Variants in DPH5 observed in about 807,000 individuals in gnomAD.
DPH5 encodes diphthamide biosynthesis 5.
A neutral mutation model predicts 31.6 loss-of-function variants in DPH5; 31 were observed. The ratio of observed to expected loss-of-function variants is 0.98; its 90% CI spans 0.74 to 1.32. The LOEUF (loss-of-function observed/expected upper bound fraction) is 1.32, where lower values mean the gene tolerates loss of function less well. DPH5 is among the 40% of genes most tolerant of loss of function. The pLI is 0.00. For synonymous variants in DPH5, 120 were observed against 115.0 expected, an observed-to-expected ratio of 1.04 and a Z score of -0.28; for missense variants, 309 against 335.7, an observed-to-expected ratio of 0.92 and a Z score of 0.62.
intron 4 of DPH5, among the ~76,000 whole-genome samples, chr1:101,005,767 G>A (rs971890744): frequency 2.6e-5 from 4 of 152,200 alleles, no homozygotes; most frequent in South Asian, 2.1e-4. Context: ...GAATGCAATG[G>A]CAGATAGGAA....
chr1:101,016,764 C>A (rs879321415), intron 3 of DPH5, among the ~76,000 whole-genome samples: 2 of 152,212 alleles, frequency 1.3e-5, no homozygotes, highest in Middle Eastern at 3.4e-3. Flanking sequence ...TTTCTATATG[C>A]CTTCCTCATT....
At chr1:101,019,336 AGAACTTCATATTGCTG>A (rs1287710021) in intron 3 of DPH5, among the ~76,000 whole-genome samples, 1 of 152,218 alleles carries the variant, frequency 6.6e-6, no homozygotes, top group Non-Finnish European at 1.5e-5. Context: ...ATTGTCTTCA[AGAACTTCATATTGCTG>A]GAGATGGACA....
intron 3 of DPH5, 93 bp downstream of exon 3, chr1:101,021,548 T>C (rs894733689): frequency 6.1e-5 from 79 of 1,297,812 alleles, no homozygotes; most frequent in Middle Eastern, 2.0e-4. Flanking sequence ...TATCAGGACC[T>C]GGCAGGTAAA....
At chr1:101,025,498 G>C (rs1660761144) in intron 1 of DPH5, 32 bp from the exon 2 acceptor site, 2 of 1,603,366 alleles carry the variant, frequency 1.2e-6, no homozygotes, top group African/African-American at 1.3e-5. Flanking sequence ...AAAACCGTCA[G>C]TAACACCGAG....
chr1:101,005,929 G>A (rs1659197152), intron 4 of DPH5, among the ~76,000 whole-genome samples: 1 of 152,050 alleles, frequency 6.6e-6, no homozygotes, highest in South Asian at 2.1e-4. Context: ...AGGTGAGGGG[G>A]GGAGCAGTTA....
At chr1:100,995,034 A>C in intron 6 of DPH5, 76 bp downstream of exon 6, 1 of 1,025,110 alleles carries the variant, frequency 9.8e-7, no homozygotes, top group Non-Finnish European at 1.5e-6. Context: ...TTTAGAACTC[A>C]GGTCATTTAA....
rs117062579 is a variant in DPH5 at position 101,014,309 on chromosome 1, G to C, written c.261-491C>G. ...TATACACGTATACCATGAAGATATT[G>C]CAAGTTTGGGTCAAGATAACCACAA... On this transcript the variant is annotated intron_variant, in intron 3 of 7. Transcript: ENST00000370109. 9.0e-4 allele frequency among the ~76,000 whole-genome samples: 137 copies of C among 152,260 alleles called. 3 individuals carry two copies. The East Asian group carries it at 0.02, about 22-fold the overall frequency.
intron 4 of DPH5, among the ~76,000 whole-genome samples, chr1:101,011,895 C>CTTTTTTTTT (rs11352737): frequency 9.2e-6 from 1 of 108,152 alleles, no homozygotes; most frequent in African/African-American, 3.6e-5. Context: ...ATTATCAATT[C>CTTTTTTTTT]TTTTTTTTTT....
Position 101,019,585 on chromosome 1 carries a change from A to G in DPH5, c.260+2056T>C, listed in dbSNP as rs928660128. Among the ~76,000 whole-genome samples, 7 of 152,254 alleles carry G rather than the reference A, an allele frequency of 4.6e-5. No individual in the cohort carries two copies. In the East Asian group the frequency reaches 1.2e-3, roughly 25 times the overall value. On this transcript the variant is annotated intron_variant, in intron 3 of 7. Coordinates refer to ENST00000370109, the MANE Select transcript of DPH5 (RefSeq NM_015958.3). ...TAAGGGATATTTTTTGCTCATATCT[A>G]AGAATTTCAGTGCCTTGCTGCATTC...
At position 101,001,579 on chromosome 1, in the gene DPH5, C is replaced by T. The variant is rs1658868519; in HGVS notation, c.378G>A (p.Lys126=). 1.9e-6 allele frequency: 3 copies of T among 1,573,342 alleles called. No individual in the cohort carries two copies. Among genetic ancestry groups the T allele is most frequent in the Middle Eastern group, 1.7e-4 (1 of 5,912 alleles). The change falls in exon 5 of 8, where the codon AAG becomes AAA. Residue 126 remains lysine, a synonymous_variant. Transcript: ENST00000370109. ...AVGCCGLQLY[K]FGETVSIVFW... ...AAACAATAGAAACTGTCTCTCCAAACTTATATAACTAGAAAAAAAAACATT... is the reference window on the plus strand; with the variant it reads ...AAACAATAGAAACTGTCTCTCCAAATTTATATAACTAGAAAAAAAAACATT...
At chr1:101,021,098 T>C (rs926010948) in intron 3 of DPH5, among the ~76,000 whole-genome samples, 3 of 152,190 alleles carry the variant, frequency 2.0e-5, no homozygotes, top group Non-Finnish European at 2.9e-5. Context: ...GACTAGGCAG[T>C]AGATGCCCAT....
At chr1:101,001,969 AGAT>A (rs1452653367) in intron 4 of DPH5, among the ~76,000 whole-genome samples, 2 of 152,218 alleles carry the variant, frequency 1.3e-5, no homozygotes, top group Non-Finnish European at 2.9e-5. Context: ...CTCATTTTAC[AGAT>A]GAGACCATCA....
chr1:101,004,809 A>G (rs1659108991), intron 4 of DPH5, among the ~76,000 whole-genome samples: 1 of 152,250 alleles, frequency 6.6e-6, no homozygotes, highest in African/African-American at 2.4e-5. Context: ...TTAAGACTGG[A>G]GAAGCCGAAC....
At chr1:101,017,733 T>C (rs1660176009) in intron 3 of DPH5, among the ~76,000 whole-genome samples, 1 of 152,176 alleles carries the variant, frequency 6.6e-6, no homozygotes, top group African/African-American at 2.4e-5. Context: ...AATTAACAAA[T>C]GCCCACCAGG....
At chr1:101,024,751 G>GT (rs1247421418) in intron 2 of DPH5, among the ~76,000 whole-genome samples, 1 of 152,210 alleles carries the variant, frequency 6.6e-6, no homozygotes, top group Admixed American at 6.5e-5. Context: ...GTATACTCAT[G>GT]TAAGTGTATA....
chr1:101,013,766 A>G lies in DPH5; in HGVS notation c.313T>C (p.Tyr105His), dbSNP rs1049040637. Residue 105 changes from tyrosine (Y) to histidine (H), a missense_variant, in exon 4 of 8, where the codon TAT becomes CAT. Physicochemically the swap from Tyr to His is moderately conservative, Grantham distance 83 (BLOSUM62 2). Transcript: ENST00000370109. Reference protein sequence around the residue: ...VLRATKLGIPYRVIHNASIMN... With the variant: ...VLRATKLGIPHRVIHNASIMN... ...ATGGAGGCATTGTGAATAACTCTAT[A>G]AGGAATTCCCAGCTTTGTTGCTCTT... 25 of 1,613,214 alleles carry G rather than the reference A, an allele frequency of 1.5e-5. No homozygotes were observed. Among genetic ancestry groups the G allele is most frequent in the Non-Finnish European group, 1.9e-5 (23 of 1,179,578 alleles).
chr1:100,993,865 C>A (rs898168980), intron 6 of DPH5, among the ~76,000 whole-genome samples: 1 of 151,538 alleles, frequency 6.6e-6, no homozygotes, highest in Non-Finnish European at 1.5e-5. Context: ...CTCAGCCTCC[C>A]GAGTAGCTGG....
intron 3 of DPH5, among the ~76,000 whole-genome samples, chr1:101,015,968 C>T (rs956904052): frequency 6.6e-6 from 1 of 152,168 alleles, no homozygotes; most frequent in Admixed American, 6.5e-5. Context: ...ATCTTCTATA[C>T]AGAACACTAA....
chr1:101,020,762 C>T (rs926009833), intron 3 of DPH5, among the ~76,000 whole-genome samples: 1 of 152,086 alleles, frequency 6.6e-6, no homozygotes, highest in Non-Finnish European at 1.5e-5. Flanking sequence ...TTACTCCTTT[C>T]CTTTTCCTTA....
Sources: allele counts gnomAD v4.1 joint callset (sites outside exome capture counted in the v4.1 genomes callset), GRCh38; gene constraint gnomAD v4.1.1; transcripts MANE v1.5; gene names NCBI Gene and HGNC (gene_info 2026-07-23, HGNC 2026-07-21).